Variants in PUS10 observed in about 807,000 individuals in gnomAD.
PUS10 encodes the protein tRNA pseudouridine synthase Pus10.
Under a neutral mutation model 75.0 loss-of-function variants are expected in PUS10, and 59 were observed. The observed-to-expected ratio is 0.79, with a 90% CI of 0.64 to 0.98. PUS10 has a LOEUF of 0.98. PUS10 is among the 50% of genes least tolerant of loss of function. PUS10 has a pLI of 0.00. For missense variants in PUS10, 650 were observed against 614.4 expected (o/e 1.06, Z -0.61); for synonymous variants, 219 against 211.6 (o/e 1.03, Z -0.30).
chr2:60,950,334 C>T (rs1229282967), intron 15 of PUS10, among the ~76,000 whole-genome samples: 2 of 152,180 alleles, frequency 1.3e-5, no homozygotes, highest in African/African-American at 4.8e-5. Context: ...TAGATATAGA[C>T]ATACGTCTAT....
chr2:60,973,931 A>C (rs1676857206), intron 4 of PUS10, among the ~76,000 whole-genome samples: 1 of 152,196 alleles, frequency 6.6e-6, no homozygotes, highest in African/African-American at 2.4e-5. Flanking sequence ...TATCCACCCC[A>C]GAGTCTCTCT....
intron 5 of PUS10, among the ~76,000 whole-genome samples, chr2:60,968,360 T>C (rs1309680920): frequency 6.6e-6 from 1 of 152,144 alleles, no homozygotes; most frequent in Non-Finnish European, 1.5e-5. Flanking sequence ...ACTGGGATAT[T>C]ACTAACAAAC....
rs529942871 is a variant in PUS10, at chr2:60,971,932, A to G, written c.469-375T>C. Among the ~76,000 whole-genome samples the G allele has an allele frequency of 1.3e-4, 18 of 134,778 alleles. No individual in the cohort carries two copies. The East Asian group carries it at 3.9e-3, about 29-fold the overall frequency. 88.4% of individuals were successfully genotyped at this position (134,778 alleles called of 152,430 possible). A position where few individuals can be genotyped will look rare whatever the true frequency, so the allele number is the denominator to read the frequency against. On this transcript the variant is annotated intron_variant, in intron 4 of 17. Transcript: ENST00000316752. ...GTCACCCAAGCTGGAGTGTACTGGC[A>G]GGATCTCAGCTCACTGCAACCTCTG... is the stretch of plus-strand genomic sequence containing the variant.
At chr2:60,957,098 A>C (rs2104288423) in intron 11 of PUS10, among the ~76,000 whole-genome samples, 1 of 152,094 alleles carries the variant, frequency 6.6e-6, no homozygotes, top group African/African-American at 2.4e-5. Context: ...CTGAAAACTT[A>C]TTAGTGTGCA....
intron 1 of PUS10, among the ~76,000 whole-genome samples, chr2:61,014,724 G>A (rs1380446102): frequency 1.3e-5 from 2 of 152,148 alleles, no homozygotes; most frequent in Admixed American, 1.3e-4. Flanking sequence ...AACGACAGTG[G>A]CATCTTTTAA....
intron 4 of PUS10, among the ~76,000 whole-genome samples, chr2:60,977,916 A>G (rs1303152615): frequency 6.6e-6 from 1 of 152,228 alleles, no homozygotes; most frequent in Non-Finnish European, 1.5e-5. Context: ...CAGAGATAAA[A>G]AAACAGTCTC....
At position 60,967,288 on chromosome 2, in the gene PUS10, G is replaced by A. The variant is rs1485428175; in HGVS notation, c.615+214C>T. ...TAGGGCACCTGGTACCTTCATAAGTGTCTTAGATCATAAAGAAGTCTAAGG... is the reference window on the plus strand; with the variant it reads ...TAGGGCACCTGGTACCTTCATAAGTATCTTAGATCATAAAGAAGTCTAAGG... On this transcript the variant is annotated intron_variant, in intron 6 of 17. Transcript: ENST00000316752. 7.3e-6 allele frequency: 3 copies of A among 408,246 alleles called. No individual in the cohort carries two copies. The East Asian group carries it at 1.7e-4, about 24-fold the overall frequency. 25.3% of individuals were successfully genotyped at this position (408,246 alleles called of 1,614,324 possible).
chr2:61,013,870 C>T (rs1426782413), intron 1 of PUS10, among the ~76,000 whole-genome samples: 1 of 151,900 alleles, frequency 6.6e-6, no homozygotes, highest in Non-Finnish European at 1.5e-5. Flanking sequence ...ACTAAAAATA[C>T]AAAAATTAGT....
intron 1 of PUS10, 57 bp downstream of exon 1, chr2:61,017,951 C>T (rs7602846): frequency 1.1e-5 from 15 of 1,378,466 alleles, no homozygotes; most frequent in East Asian, 7.5e-5. Flanking sequence ...TCCCTTCCCC[C>T]CTTTAACCAA....
chr2:61,008,960 A>T lies in PUS10; in HGVS notation c.182T>A (p.Leu61Ter), dbSNP rs1017743956. ...CTTGGGAGGTGGGTTCATAACTTCCAAAATTAATTCATCTTTTTCAGTTTC... is the reference window on the plus strand; with the variant it reads ...CTTGGGAGGTGGGTTCATAACTTCCTAAATTAATTCATCTTTTTCAGTTTC... ...FLETEKDELI[L>*]EVMNPPPKKI... is the part of the protein sequence containing the mutation. Residue 61 changes from leucine (L) to a stop codon, truncating the protein, a stop_gained, in exon 3 of 18, where the codon TTG (leucine) becomes TAG (stop). Transcript: ENST00000316752. LOFTEE classifies it high-confidence loss of function. 3.1e-6 allele frequency: 5 copies of T among 1,612,882 alleles called. No individual in the cohort carries two copies. Among genetic ancestry groups the T allele is most frequent in the Non-Finnish European group, 3.4e-6 (4 of 1,179,450 alleles).
chr2:61,012,873 T>A (rs1249599329), intron 1 of PUS10, among the ~76,000 whole-genome samples: 51 of 108,866 alleles, frequency 4.7e-4, no homozygotes, highest in East Asian at 3.0e-3. Context: ...AAAAAATATA[T>A]ATATATATAT....
chr2:60,994,564 T>G (rs1678326801), intron 4 of PUS10, among the ~76,000 whole-genome samples: 1 of 152,196 alleles, frequency 6.6e-6, no homozygotes, highest in African/African-American at 2.4e-5. Flanking sequence ...TAATTTAAAT[T>G]TTATTTCCAG....
At chr2:60,993,397 C>T (rs1013288006) in intron 4 of PUS10, among the ~76,000 whole-genome samples, 2 of 151,554 alleles carry the variant, frequency 1.3e-5, no homozygotes, top group East Asian at 1.9e-4. Context: ...GTGGACGTTG[C>T]AGTGAGCTGA....
Position 60,960,503 on chromosome 2 carries a change from A to G in PUS10, c.889T>C (p.Tyr297His). 1 of 1,572,938 alleles carries G rather than the reference A, an allele frequency of 6.4e-7. No homozygotes were observed. Among genetic ancestry groups the G allele is most frequent in the Non-Finnish European group, 8.6e-7 (1 of 1,164,012 alleles). ...GGAGTTTGTGGTAGATTCCTGGAGT[A>G]TTTATTATATCTCCCTGAGAAAGAA... is the stretch of plus-strand genomic sequence containing the variant. Reference protein sequence around the residue: ...AVFVAGRYNKYSRNLPQTPWI... With the variant: ...AVFVAGRYNKHSRNLPQTPWI... The change falls in exon 11 of 18, where the codon TAC becomes CAC. Residue 297 changes from tyrosine (Y) to histidine (H), a missense_variant. Physicochemically the swap from Tyr to His is moderately conservative, Grantham distance 83. Transcript: ENST00000316752.
intron 4 of PUS10, among the ~76,000 whole-genome samples, chr2:60,979,769 C>A (rs1677267582): frequency 6.6e-6 from 1 of 152,204 alleles, no homozygotes; most frequent in South Asian, 2.1e-4. Flanking sequence ...GGTTTTCTCT[C>A]TACTTTGGCA....
At chr2:60,978,322 T>C (rs1677166779) in intron 4 of PUS10, among the ~76,000 whole-genome samples, 1 of 149,756 alleles carries the variant, frequency 6.7e-6, no homozygotes, top group Non-Finnish European at 1.5e-5. Flanking sequence ...CTAGGGAGAC[T>C]GAGGCAGGAG....
At chr2:61,010,330 T>C (rs987717391) in intron 2 of PUS10, 2 of 155,622 alleles carry the variant, frequency 1.3e-5, no homozygotes, top group African/African-American at 2.4e-5. Flanking sequence ...TTTGTTTTTT[T>C]AATTTTCAGA....
intron 14 of PUS10, 21 bp from the exon 15 acceptor site, chr2:60,953,135 G>A (rs1283522935): frequency 1.5e-6 from 2 of 1,341,968 alleles, no homozygotes; most frequent in Non-Finnish European, 2.1e-6. Flanking sequence ...ACAATTTTTA[G>A]AAGTTTGTCC....
chr2:60,965,115 T>C lies in PUS10; in HGVS notation c.678-12A>G, dbSNP rs1255260382. 6.2e-7 allele frequency: 1 copy of C among 1,610,648 alleles called. No individual in the cohort carries two copies. Among genetic ancestry groups the C allele is most frequent in the Admixed American group, 1.7e-5 (1 of 59,714 alleles). ...GGCATATCGCAGCTCTAAAATAAAA[T>C]TCAAGTTAATATAAAAGGTTAATGA... is the stretch of plus-strand genomic sequence containing the variant. On this transcript the variant is annotated splice_polypyrimidine_tract_variant and intron_variant, in intron 7 of 17. Transcript: ENST00000316752.
Sources: allele counts gnomAD v4.1 joint callset (sites outside exome capture counted in the v4.1 genomes callset), GRCh38; gene constraint gnomAD v4.1.1; transcripts MANE v1.5; gene names NCBI Gene and HGNC (gene_info 2026-07-23, HGNC 2026-07-21).